UTP14C: variants seen among roughly 807,000 people sequenced by gnomAD.
UTP14C encodes UTP14C small subunit processome component.
Under a neutral mutation model 14.6 loss-of-function variants are expected in UTP14C, and 10 were observed. The ratio of observed to expected loss-of-function variants is 0.68; its 90% CI spans 0.42 to 1.16. The LOEUF (loss-of-function observed/expected upper bound fraction) is 1.16, where lower values mean the gene tolerates loss of function less well. UTP14C is among the 50% of genes most tolerant of loss of function. The pLI is 0.00. For missense variants in UTP14C, 818 were observed against 890.8 expected (o/e 0.92, Z 1.04); for synonymous variants, 315 against 331.6 (o/e 0.95, Z 0.54).
chr13:52,031,358 AATG>A lies in UTP14C; in HGVS notation c.*256_*258del, dbSNP rs755281742. ...GTGGATGACCCTTTTGAATATACCT[AATG>A]ATTTCCTTAAAAAAGAAATTTTAAA... On this transcript the variant is annotated 3_prime_UTR_variant, in exon 2 of 2. Coordinates refer to ENST00000521776, the MANE Select transcript of UTP14C (RefSeq NM_021645.6). 4 of 508,848 alleles carry A rather than the reference AATG, an allele frequency of 7.9e-6. No homozygotes were observed. The highest frequency in any genetic ancestry group is 3.9e-5 in the South Asian group (1 of 25,502). 31.5% of individuals were successfully genotyped at this position (508,848 alleles called of 1,614,324 possible). A position where few individuals can be genotyped will look rare whatever the true frequency, so the allele number is the denominator to read the frequency against.
rs1954287108 is a variant in UTP14C at position 52,030,238 on chromosome 13, A to G, written c.1434A>G (p.Ser478=). 6.2e-7 allele frequency: 1 copy of G among 1,614,264 alleles called. No individual in the cohort carries two copies. Among genetic ancestry groups the G allele is most frequent in the African/African-American group, 1.3e-5 (1 of 75,074 alleles). ...KHQSRKQKAS[S]EGTVPQVQRE... is the part of the protein sequence containing the mutation. The stretch of plus-strand genomic sequence containing the variant: ...AGTCCAGGAAGCAAAAAGCAAGTTC[A>G]GAGGGGACTGTTCCCCAGGTCCAGA... Residue 478 remains serine (S), a synonymous_variant, in exon 2 of 2, where the codon TCA becomes TCG. Coordinates refer to ENST00000521776, the MANE Select transcript of UTP14C (RefSeq NM_021645.6).
Position 52,029,876 on chromosome 13 carries a change from C to T in UTP14C, c.1072C>T (p.His358Tyr), listed in dbSNP as rs768185974. 11 of 1,614,172 alleles carry T rather than the reference C, an allele frequency of 6.8e-6. No individual in the cohort carries two copies. The Admixed American group carries it at 1.7e-4, about 24-fold the overall frequency. ...GTEVEELLVP[H>Y]VANEVQMNVD... ...AGAAGTGGAAGAACTCCTTGTCCCTCATGTAGCGAATGAAGTGCAGATGAA... is the reference window on the plus strand; with the variant it reads ...AGAAGTGGAAGAACTCCTTGTCCCTTATGTAGCGAATGAAGTGCAGATGAA... Residue 358 changes from histidine to tyrosine, a missense_variant, in exon 2 of 2, where the codon CAT becomes TAT. By Grantham distance (83) the His-to-Tyr change is moderately conservative (BLOSUM62 2). Coordinates refer to ENST00000521776, the MANE Select transcript of UTP14C (RefSeq NM_021645.6).
chr13:52,031,613 C>T lies in UTP14C; in HGVS notation c.*508C>T. 1 of 172,024 alleles carries T rather than the reference C, an allele frequency of 5.8e-6. No homozygotes were observed. The highest frequency in any genetic ancestry group is 1.9e-4 in the East Asian group (1 of 5,320). 10.7% of individuals were successfully genotyped at this position (172,024 alleles called of 1,614,324 possible). On this transcript the variant is annotated 3_prime_UTR_variant, in exon 2 of 2. Coordinates refer to ENST00000521776, the MANE Select transcript of UTP14C (RefSeq NM_021645.6). ...GCCTGGAAGTCAGCTTTAAGTCATT[C>T]AAGAGAACCTCAGGCTGTTTTTCTG...
rs776090463 is a variant in UTP14C, at chr13:52,028,762, C to T, written c.-43C>T. ...GAAAAGAAAATGGATGACTAGCCTT[C>T]GGCTTCCATTCTTGGTATACATGAG... On this transcript the variant is annotated 5_prime_UTR_variant, in exon 2 of 2. Transcript: ENST00000521776. The T allele has an allele frequency of 6.3e-5, 102 of 1,613,462 alleles. No individual in the cohort carries two copies. The East Asian group carries it at 1.9e-3, about 30-fold the overall frequency.
At chr13:52,026,840 T>G (rs1028095084) in intron 1 of UTP14C, among the ~76,000 whole-genome samples, 1 of 152,032 alleles carries the variant, frequency 6.6e-6, no homozygotes, top group African/African-American at 2.4e-5. Flanking sequence ...AAATAAAAAA[T>G]GAGGATTGTC....
At position 52,032,993 on chromosome 13, in the gene UTP14C, A is replaced by C. The variant is rs1284724072; in HGVS notation, c.*1888A>C. 2 of 167,092 alleles carry C rather than the reference A, an allele frequency of 1.2e-5. No homozygotes were observed. The highest frequency in any genetic ancestry group is 4.8e-5 in the African/African-American group (2 of 41,456). 10.4% of individuals were successfully genotyped at this position (167,092 alleles called of 1,614,324 possible). ...CCACTCAATTGCCTTATTCCTGAGG[A>C]TGTAGTGAAGGAAGAAAAAGTTTTC... On this transcript the variant is annotated 3_prime_UTR_variant, in exon 2 of 2. Coordinates refer to ENST00000521776, the MANE Select transcript of UTP14C (RefSeq NM_021645.6).
At position 52,029,762 on chromosome 13, in the gene UTP14C, C is replaced by A. The variant is rs1381339521; in HGVS notation, c.958C>A (p.Gln320Lys). Reference protein sequence around the residue: ...IMAKYDLEARQAMQEQLAKNK... With the variant: ...IMAKYDLEARKAMQEQLAKNK... Reference sequence around the variant, plus strand: ...GGCCAAATATGACCTGGAGGCTCGCCAAGCTATGCAGGAACAGTTGGCCAA... The same window carrying A: ...GGCCAAATATGACCTGGAGGCTCGCAAAGCTATGCAGGAACAGTTGGCCAA... The change falls in exon 2 of 2, where the codon CAA (glutamine) becomes AAA (lysine). Residue 320 changes from glutamine to lysine, a missense_variant. Physicochemically the swap from Gln to Lys is moderately conservative, Grantham distance 53. Transcript: ENST00000521776. The A allele has an allele frequency of 1.2e-6, 2 of 1,614,164 alleles. No individual in the cohort carries two copies. Among genetic ancestry groups the A allele is most frequent in the Admixed American group, 1.7e-5 (1 of 60,024 alleles).
rs778848353 is a variant in UTP14C at position 52,030,682 on chromosome 13, A to C, written c.1878A>C (p.Thr626=). The part of the protein sequence containing the change: ...EASKPKDVDL[T]LPGWGEWGGV... ...GTAAGCCAAAGGACGTGGACCTGAC[A>C]CTACCTGGCTGGGGCGAGTGGGGTG... The change falls in exon 2 of 2, where the codon ACA becomes ACC. Residue 626 remains threonine, a synonymous_variant. Transcript: ENST00000521776. 4.3e-6 allele frequency: 7 copies of C among 1,614,194 alleles called. No homozygotes were observed. The East Asian group carries it at 1.6e-4, about 36-fold the overall frequency.
Position 52,030,419 on chromosome 13 carries a change from A to AC in UTP14C, c.1619dup (p.Asn541LysfsTer2), listed in dbSNP as rs1374634509. The AC allele has an allele frequency of 1.9e-6, 3 of 1,614,182 alleles. No individual in the cohort carries two copies. The Admixed American group carries it at 5.0e-5, about 27-fold the overall frequency. On this transcript the variant is annotated frameshift_variant, in exon 2 of 2. Transcript: ENST00000521776. LOFTEE classifies it low-confidence loss of function (END_TRUNC). ...GTTAGAAGGACAGCAGTCAGAGAGG[A>AC]CCCCAAATAATCGGCCTGATGCCCC...
Position 52,029,533 on chromosome 13 carries a change from G to T in UTP14C, c.729G>T (p.Glu243Asp). The change falls in exon 2 of 2, where the codon GAG becomes GAT. Residue 243 changes from glutamate (E) to aspartate (D), a missense_variant. By Grantham distance (45) the Glu-to-Asp change is conservative (BLOSUM62 2). Coordinates refer to ENST00000521776, the MANE Select transcript of UTP14C (RefSeq NM_021645.6). ...ACTATGAGGCCAAGGCTCGAAAAGA[G>T]AAGAAAATCAAAAGTAAAAAGTATC... Reference protein sequence around the residue: ...QSYYEAKARKEKKIKSKKYHK... With the variant: ...QSYYEAKARKDKKIKSKKYHK... 1 of 1,614,110 alleles carries T rather than the reference G, an allele frequency of 6.2e-7. No homozygotes were observed. The highest frequency in any genetic ancestry group is 8.5e-7 in the Non-Finnish European group (1 of 1,180,038).
rs1954268834 is a variant in UTP14C, at chr13:52,028,903, G to A, written c.99G>A (p.Glu33=). 2 of 1,614,090 alleles carry A rather than the reference G, an allele frequency of 1.2e-6. No individual in the cohort carries two copies. Among genetic ancestry groups the A allele is most frequent in the African/African-American group, 1.3e-5 (1 of 74,934 alleles). ...ACCCCTTGAGTGAAAATGAAGATGA[G>A]GGGGACAGTGATGGAGAGAGAAAGC... The part of the protein sequence containing the change: ...KNYPLSENED[E]GDSDGERKHQ... The change falls in exon 2 of 2, where the codon GAG becomes GAA. Residue 33 remains glutamate, a synonymous_variant. Transcript: ENST00000521776.
In UTP14C at chr13:52,030,170, T is replaced by G. The variant is rs1566713670; in HGVS notation, c.1366T>G (p.Ser456Ala). 3 of 1,614,146 alleles carry G rather than the reference T, an allele frequency of 1.9e-6. No individual in the cohort carries two copies. Among genetic ancestry groups the G allele is most frequent in the Non-Finnish European group, 2.5e-6 (3 of 1,180,028 alleles). The change falls in exon 2 of 2, where the codon TCC becomes GCC. Residue 456 changes from serine (S) to alanine (A), a missense_variant. Coordinates refer to ENST00000521776, the MANE Select transcript of UTP14C (RefSeq NM_021645.6). ...TKDSSSQEVL[S>A]ELRALSQKLK... ...AGATTCTAGCAGCCAGGAGGTGCTGTCCGAATTGAGGGCACTATCTCAGAA... is the reference window on the plus strand; with the variant it reads ...AGATTCTAGCAGCCAGGAGGTGCTGGCCGAATTGAGGGCACTATCTCAGAA...
Position 52,029,486 on chromosome 13 carries a change from A to T in UTP14C, c.682A>T (p.Arg228Trp). Residue 228 changes from arginine to tryptophan, a missense_variant, in exon 2 of 2, where the codon AGG becomes TGG. Arg to Trp is a moderately radical substitution (Grantham distance 101). Coordinates refer to ENST00000521776, the MANE Select transcript of UTP14C (RefSeq NM_021645.6). ...EAKMHRAELQ[R>W]ARALQSYYEA... ...AAAGATGCACCGAGCAGAGCTTCAG[A>T]GGGCTCGGGCTCTGCAGTCCTACTA... 1 of 1,614,100 alleles carries T rather than the reference A, an allele frequency of 6.2e-7. No homozygotes were observed. The highest frequency in any genetic ancestry group is 8.5e-7 in the Non-Finnish European group (1 of 1,179,928).
chr13:52,026,249 G>A (rs1954239502), intron 1 of UTP14C, among the ~76,000 whole-genome samples: 1 of 152,220 alleles, frequency 6.6e-6, no homozygotes, highest in Admixed American at 6.5e-5. Flanking sequence ...CCAGGAGAGA[G>A]GGGAGAGTCT....
At position 52,029,795 on chromosome 13, in the gene UTP14C, G is replaced by A; in HGVS notation, c.991G>A (p.Glu331Lys). ...AMQEQLAKNK[E>K]LTQKLQVASE... ...GCAGGAACAGTTGGCCAAGAACAAAGAACTGACACAGAAACTCCAGGTAGC... is the reference window on the plus strand; with the variant it reads ...GCAGGAACAGTTGGCCAAGAACAAAAAACTGACACAGAAACTCCAGGTAGC... The change falls in exon 2 of 2, where the codon GAA becomes AAA. Residue 331 changes from glutamate (E) to lysine (K), a missense_variant. Physicochemically the swap from Glu to Lys is moderately conservative, Grantham distance 56. Coordinates refer to ENST00000521776, the MANE Select transcript of UTP14C (RefSeq NM_021645.6). The A allele has an allele frequency of 6.2e-7, 1 of 1,614,206 alleles. No homozygotes were observed. The highest frequency in any genetic ancestry group is 1.1e-5 in the South Asian group (1 of 91,088).
chr13:52,033,373 TATTA>T lies in UTP14C; in HGVS notation c.*2269_*2272del, dbSNP rs1487513884. 2 of 167,070 alleles carry T rather than the reference TATTA, an allele frequency of 1.2e-5. No homozygotes were observed. The highest frequency in any genetic ancestry group is 4.8e-5 in the African/African-American group (2 of 41,452). The allele number at this position is 167,070 out of a possible 1,614,324, so 10.3% of individuals were successfully genotyped here. A position where few individuals can be genotyped will look rare whatever the true frequency, so the allele number is the denominator to read the frequency against. On this transcript the variant is annotated 3_prime_UTR_variant, in exon 2 of 2. Transcript: ENST00000521776. ...GTTTTGTGTAATAATTATTTGTAAA[TATTA>T]TTTAGATTTGTATTTAGACATGATT... is the stretch of plus-strand genomic sequence containing the variant.
chr13:52,031,232 A>T lies in UTP14C; in HGVS notation c.*127A>T, dbSNP rs939076504. On this transcript the variant is annotated 3_prime_UTR_variant, in exon 2 of 2. Coordinates refer to ENST00000521776, the MANE Select transcript of UTP14C (RefSeq NM_021645.6). ...TGCATGTAGTTGAGCCACATTTTTT[A>T]AAAAAAGAAAATGGATGACCATTAA... The T allele has an allele frequency of 6.5e-6, 9 of 1,378,456 alleles. No individual in the cohort carries two copies. The highest frequency in any genetic ancestry group is 2.4e-5 in the East Asian group (1 of 41,362). 85.4% of individuals were successfully genotyped at this position (1,378,456 alleles called of 1,614,324 possible).
chr13:52,026,786 A>G (rs1425170102), intron 1 of UTP14C, among the ~76,000 whole-genome samples: 1 of 152,168 alleles, frequency 6.6e-6, no homozygotes, highest in Non-Finnish European at 1.5e-5. Flanking sequence ...TCCAGGAGGT[A>G]GTTTTGTATA....
chr13:52,024,856 A>AT lies in UTP14C; in HGVS notation c.-566dup. 1 of 1,614,050 alleles carries AT rather than the reference A, an allele frequency of 6.2e-7. No individual in the cohort carries two copies. On this transcript the variant is annotated 5_prime_UTR_variant, in exon 1 of 2. The change creates a premature stop within an existing upstream ORF in the 5' untranslated region. Coordinates refer to ENST00000521776, the MANE Select transcript of UTP14C (RefSeq NM_021645.6). ...AGAATATGTGGAATTTAAAATAAAC[A>AT]TTCCATTTGATGAATTAAAGAATTA...
Sources: gnomAD v4.1 joint callset for allele counts (sites outside exome capture counted in the v4.1 genomes callset) on GRCh38, gnomAD v4.1.1 for gene constraint, MANE v1.5 for transcripts, NCBI Gene and HGNC (gene_info 2026-07-23, HGNC 2026-07-21) for gene names.